Variants in OTUD7A observed in about 807,000 individuals in gnomAD.
OTUD7A encodes OTU deubiquitinase 7A, also known as OTU domain-containing protein 7A.
OTUD7A carries 12 observed loss-of-function variants against 65.7 expected under a neutral mutation model. The observed-to-expected ratio is 0.18, with a 90% CI of 0.12 to 0.30. The LOEUF (loss-of-function observed/expected upper bound fraction) is 0.30, where lower values mean the gene tolerates loss of function less well. OTUD7A is among the 10% of genes least tolerant of loss of function. OTUD7A has a pLI of 1.00. For missense variants in OTUD7A, 1,148 were observed against 1,304.8 expected, an observed-to-expected ratio of 0.88 and a Z score of 1.85; for synonymous variants, 641 against 586.3, an observed-to-expected ratio of 1.09 and a Z score of -1.35.
intron 8 of OTUD7A, among the ~76,000 whole-genome samples, chr15:31,519,006 T>C (rs905423522): frequency 1.1e-4 from 17 of 152,268 alleles, no homozygotes; most frequent in African/African-American, 4.1e-4. Flanking sequence ...AAAGACCTTC[T>C]AGCAGTGGCC....
intron 1 of OTUD7A, among the ~76,000 whole-genome samples, chr15:31,804,516 T>C (rs1264534683): frequency 6.6e-6 from 1 of 152,138 alleles, no homozygotes; most frequent in Non-Finnish European, 1.5e-5. Context: ...CCTCAGGATG[T>C]AGTGCTGTGA....
intron 1 of OTUD7A, among the ~76,000 whole-genome samples, chr15:31,856,786 G>C (rs1404155738): frequency 1.3e-5 from 2 of 152,208 alleles, no homozygotes; most frequent in East Asian, 3.9e-4. Flanking sequence ...AAAAAGGAAA[G>C]AACACAAGGA....
chr15:31,559,411 G>A (rs8023819), intron 4 of OTUD7A, among the ~76,000 whole-genome samples: 5,114 of 152,046 alleles, frequency 0.034, 275 homozygotes, highest in African/African-American at 0.12. Flanking sequence ...TGGCACATGC[G>A]CACATACATA....
intron 3 of OTUD7A, among the ~76,000 whole-genome samples, chr15:31,654,142 G>C (rs538055056): frequency 3.4e-5 from 3 of 87,838 alleles, no homozygotes; most frequent in African/African-American, 1.3e-4. Context: ...AATGGAAACT[G>C]ACAGGGAGAC....
At chr15:31,627,405 A>G (rs1473950346) in intron 3 of OTUD7A, among the ~76,000 whole-genome samples, 1 of 151,880 alleles carries the variant, frequency 6.6e-6, no homozygotes, top group Non-Finnish European at 1.5e-5. Context: ...CCATGTCCCT[A>G]CAAAGGACAT....
At chr15:31,524,976 G>A (rs891314504) in intron 8 of OTUD7A, among the ~76,000 whole-genome samples, 1 of 152,186 alleles carries the variant, frequency 6.6e-6, no homozygotes, top group African/African-American at 2.4e-5. Context: ...GACCTTGGGC[G>A]AAGCTCCTCC....
At chr15:31,751,680 T>C (rs1894639805) in intron 1 of OTUD7A, among the ~76,000 whole-genome samples, 1 of 152,162 alleles carries the variant, frequency 6.6e-6, no homozygotes, top group African/African-American at 2.4e-5. Flanking sequence ...CCATCAGTGA[T>C]GGACTGAAAA....
chr15:31,673,068 A>G (rs1264328063), intron 1 of OTUD7A, among the ~76,000 whole-genome samples: 1 of 152,240 alleles, frequency 6.6e-6, no homozygotes, highest in Non-Finnish European at 1.5e-5. Flanking sequence ...ATGGGGTTAT[A>G]CACCAATAAA....
At chr15:31,534,087 A>G (rs1023552492) in intron 5 of OTUD7A, among the ~76,000 whole-genome samples, 2 of 152,220 alleles carry the variant, frequency 1.3e-5, no homozygotes, top group Non-Finnish European at 2.9e-5. Flanking sequence ...AAAATAGCCA[A>G]CATTACCCTG....
Position 31,483,539 on chromosome 15 carries a change from G to C in OTUD7A, c.2557C>G (p.His853Asp). ...GAAGTAGAAE[H>D]KSQTYTNGFG... The stretch of plus-strand genomic sequence containing the variant: ...CCGTTGGTGTAGGTCTGCGACTTGT[G>C]CTCGGCCGCCCCCGCCGTCCCCGCC... Residue 853 changes from histidine to aspartate, a missense_variant, in exon 13 of 13, where the codon CAC becomes GAC. By Grantham distance (81) the His-to-Asp change is moderately conservative (BLOSUM62 -1). This residue lies in a region of OTUD7A where 842 missense variants were observed against 769.5 expected (regional missense o/e 1.09). Transcript: ENST00000307050. The C allele has an allele frequency of 1.5e-6, 2 of 1,344,714 alleles. No homozygotes were observed. Among genetic ancestry groups the C allele is most frequent in the Non-Finnish European group, 1.9e-6 (2 of 1,043,238 alleles). 83.3% of individuals were successfully genotyped at this position (1,344,714 alleles called of 1,614,324 possible).
At chr15:31,864,991 T>C in intron 1 of OTUD7A, among the ~76,000 whole-genome samples, 1 of 151,360 alleles carries the variant, frequency 6.6e-6, no homozygotes, top group East Asian at 2.0e-4. Context: ...CCCTAAAGCC[T>C]ACAGGATGGC....
chr15:31,632,516 G>T (rs1891201323), intron 3 of OTUD7A, among the ~76,000 whole-genome samples: 1 of 152,236 alleles, frequency 6.6e-6, no homozygotes, highest in Non-Finnish European at 1.5e-5. Context: ...GGCCGTGTGA[G>T]GTGTCAGTCT....
intron 5 of OTUD7A, chr15:31,557,544 CG>C (rs1888538028): frequency 6.6e-6 from 1 of 152,246 alleles, no homozygotes; most frequent in South Asian, 2.1e-4. Context: ...TTCTCTCTCC[CG>C]GATGCCACAC....
In OTUD7A at chr15:31,500,599, T is replaced by C. The variant is rs186920839; in HGVS notation, c.1171+1091A>G. Among the ~76,000 whole-genome samples the C allele has an allele frequency of 5.8e-3, 879 of 152,320 alleles. 7 individuals carry two copies. The highest frequency in any genetic ancestry group is 0.01 in the Middle Eastern group (3 of 294). On this transcript the variant is annotated intron_variant, in intron 10 of 12. Transcript: ENST00000307050. ...TGGCGGAGGGCTGGGGGAGGCTGGG[T>C]TCTGTTCATTTGTCTGTGTCCTTTC...
At chr15:31,786,199 C>A (rs550826053) in intron 1 of OTUD7A, among the ~76,000 whole-genome samples, 1 of 152,288 alleles carries the variant, frequency 6.6e-6, no homozygotes, top group East Asian at 1.9e-4. Flanking sequence ...GCCTCCATAA[C>A]TGTAAAAAAT....
intron 1 of OTUD7A, among the ~76,000 whole-genome samples, chr15:31,774,685 T>A (rs993496240): frequency 2.6e-5 from 4 of 152,310 alleles, no homozygotes; most frequent in African/African-American, 9.6e-5. Context: ...ATCCAGAGAT[T>A]TTTCTGCACA....
At chr15:31,713,869 C>T (rs1318413851) in intron 1 of OTUD7A, among the ~76,000 whole-genome samples, 1 of 150,460 alleles carries the variant, frequency 6.6e-6, no homozygotes, top group East Asian at 1.9e-4. Context: ...ATCTGAATGG[C>T]CAAAAATCAA....
At chr15:31,857,732 G>A (rs1340743330) in intron 1 of OTUD7A, among the ~76,000 whole-genome samples, 1 of 152,082 alleles carries the variant, frequency 6.6e-6, no homozygotes, top group Admixed American at 6.5e-5. Context: ...TGCTATCCTG[G>A]GCATCTCCTG....
chr15:31,595,924 A>G (rs1318980094), intron 3 of OTUD7A, among the ~76,000 whole-genome samples: 2 of 151,256 alleles, frequency 1.3e-5, no homozygotes, highest in African/African-American at 2.4e-5. Context: ...CAAGCCAGCA[A>G]TGACTGATGG....
Sources: gnomAD v4.1 joint callset for allele counts (sites outside exome capture counted in the v4.1 genomes callset) on GRCh38, gnomAD v4.1.1 for gene constraint, gnomAD v4.1.1 regional missense constraint, MANE v1.5 for transcripts, NCBI Gene and HGNC (gene_info 2026-07-23, HGNC 2026-07-21) for gene names.